The following RANBP2 variants were observed in gnomAD, a reference collection of about 807,000 sequenced individuals.
The protein encoded by RANBP2 is E3 SUMO-protein ligase RanBP2.
A neutral mutation model predicts 303.6 loss-of-function variants in RANBP2; 57 were observed. The observed-to-expected ratio is 0.19, with a 90% CI of 0.15 to 0.23. RANBP2 has a LOEUF of 0.23. Among genes scored for constraint, RANBP2 ranks in the 10% least tolerant of loss-of-function variants. The probability of loss-of-function intolerance (pLI) is 1.00; values close to 1 mark genes in which losing one functional copy is unlikely to be tolerated. For missense variants in RANBP2, 3,138 were observed against 3,780.8 expected (o/e 0.83, Z 4.46); for synonymous variants, 1,167 against 1,301.5 (o/e 0.90, Z 2.23).
chr2:109,135,123 A>C, the RANBP2 span, among the ~76,000 whole-genome samples: 19 of 152,226 alleles, frequency 1.2e-4, no homozygotes, highest in Middle Eastern at 3.2e-3. Flanking sequence ...GACAACACCC[A>C]GTAGTGGAGA....
At chr2:109,560,154 T>C in the RANBP2 span, among the ~76,000 whole-genome samples, 1 of 152,114 alleles carries the variant, frequency 6.6e-6, no homozygotes, top group Admixed American at 6.5e-5. Flanking sequence ...TCTCCTGACC[T>C]CGTGATCCGC....
the RANBP2 span, chr2:109,733,086 C>T: frequency 1.8e-6 from 1 of 549,442 alleles, no homozygotes; most frequent in Admixed American, 1.9e-5. Flanking sequence ...AGGTCCCTTT[C>T]TGGAGTTAGG....
the RANBP2 span, among the ~76,000 whole-genome samples, chr2:109,496,267 C>A: frequency 6.6e-6 from 1 of 152,048 alleles, no homozygotes; most frequent in Non-Finnish European, 1.5e-5. Flanking sequence ...ATTTTATAAT[C>A]CTCTTGCTAG....
chr2:108,974,393 C>T, the RANBP2 span, among the ~76,000 whole-genome samples: 3 of 146,352 alleles, frequency 2.0e-5, no homozygotes, highest in African/African-American at 5.0e-5. Context: ...GTCTTAGACA[C>T]GATGGTACCC....
the RANBP2 span, among the ~76,000 whole-genome samples, chr2:109,747,791 C>CCAAA: frequency 3.5e-5 from 5 of 141,704 alleles, no homozygotes; most frequent in African/African-American, 1.4e-4. Context: ...ACTTTTGGTT[C>CCAAA]AGTTTGGTAG....
rs1337083374 is a variant in RANBP2 at position 108,782,202 on chromosome 2, G to A, written c.8835G>A (p.Arg2945=). Residue 2945 remains arginine (R), a synonymous_variant, in exon 27 of 29, where the codon CGG becomes CGA. Coordinates refer to ENST00000283195, the MANE Select transcript of RANBP2 (RefSeq NM_006267.5). ...KERAKLYRWD[R]DVSQWKERGV... ...GAGCCAAACTTTATAGATGGGATCG[G>A]GATGTCAGTCAGTGGAAGGAGCGCG... 1.2e-6 allele frequency: 2 copies of A among 1,614,044 alleles called. No individual in the cohort carries two copies. The highest frequency in any genetic ancestry group is 1.7e-5 in the Admixed American group (1 of 60,006).
At chr2:109,609,163 G>A in the RANBP2 span, among the ~76,000 whole-genome samples, 1 of 152,166 alleles carries the variant, frequency 6.6e-6, no homozygotes, top group African/African-American at 2.4e-5. Context: ...GGAAAGTGGG[G>A]CTTCATTAGA....
the RANBP2 span, among the ~76,000 whole-genome samples, chr2:109,387,879 C>T: frequency 1.4e-4 from 21 of 152,176 alleles, no homozygotes; most frequent in South Asian, 8.3e-4. Flanking sequence ...TCTCCTCCCC[C>T]GGCCCATCCA....
At chr2:109,320,571 TCCC>T in the RANBP2 span, among the ~76,000 whole-genome samples, 1 of 152,220 alleles carries the variant, frequency 6.6e-6, no homozygotes, top group African/African-American at 2.4e-5. Flanking sequence ...TTTAGGCCTC[TCCC>T]CACCTAATCA....
At chr2:109,551,331 T>A in the RANBP2 span, among the ~76,000 whole-genome samples, 1 of 152,248 alleles carries the variant, frequency 6.6e-6, no homozygotes, top group Non-Finnish European at 1.5e-5. Context: ...TAGAATTAAA[T>A]AATGTTTTGA....
the RANBP2 span, among the ~76,000 whole-genome samples, chr2:109,070,109 C>G: frequency 6.6e-6 from 1 of 152,118 alleles, no homozygotes; most frequent in Non-Finnish European, 1.5e-5. Flanking sequence ...AGAGACTATA[C>G]GTTCAAAGGG....
At chr2:108,864,686 C>T in the RANBP2 span, among the ~76,000 whole-genome samples, 1 of 150,580 alleles carries the variant, frequency 6.6e-6, no homozygotes, top group Non-Finnish European at 1.5e-5. Context: ...CCCAGCTACT[C>T]GGGAGGCTGA....
At chr2:109,719,027 A>AAC in the RANBP2 span, among the ~76,000 whole-genome samples, 58,001 of 118,124 alleles carry the variant, frequency 0.49, 17,351 homozygotes, top group East Asian at 0.64. Flanking sequence ...AAAAAAAAAA[A>AAC]AGAAACAAAA....
At chr2:109,426,830 CAGCCACCCCCACCTTT>C in the RANBP2 span, among the ~76,000 whole-genome samples, 1 of 152,164 alleles carries the variant, frequency 6.6e-6, no homozygotes, top group African/African-American at 2.4e-5. Flanking sequence ...GAAGTTGCCA[CAGCCACCCCCACCTTT>C]AGCCACCACC....
the RANBP2 span, among the ~76,000 whole-genome samples, chr2:109,220,884 A>C: frequency 6.6e-6 from 1 of 152,242 alleles, no homozygotes; most frequent in African/African-American, 2.4e-5. Context: ...TTGAACACAG[A>C]ATTAACTATA....
the RANBP2 span, chr2:109,130,113 GGTGA>G: frequency 1.7e-5 from 22 of 1,310,608 alleles, no homozygotes; most frequent in Non-Finnish European, 1.7e-5. Flanking sequence ...CGGCGGCAAA[GGTGA>G]GTATCTGTCT....
the RANBP2 span, chr2:109,544,051 G>T: frequency 8.9e-7 from 1 of 1,129,020 alleles, no homozygotes; most frequent in Non-Finnish European, 1.3e-6. Flanking sequence ...TCAAGTCAGT[G>T]CTCAAAAAGA....
the RANBP2 span, among the ~76,000 whole-genome samples, chr2:109,468,300 G>A: frequency 6.6e-6 from 1 of 152,182 alleles, no homozygotes; most frequent in African/African-American, 2.4e-5. Context: ...GGCAAGTACC[G>A]TGTGTCTAAA....
At chr2:109,604,650 CG>C in the RANBP2 span, among the ~76,000 whole-genome samples, 1 of 147,574 alleles carries the variant, frequency 6.8e-6, no homozygotes, top group African/African-American at 2.5e-5. Flanking sequence ...TGGCATGAAC[CG>C]GGGAGGCGGA....
Sources: allele counts gnomAD v4.1 joint callset (sites outside exome capture counted in the v4.1 genomes callset), GRCh38; gene constraint gnomAD v4.1.1; transcripts MANE v1.5; gene names NCBI Gene and HGNC (gene_info 2026-07-23, HGNC 2026-07-21).